DCDC1: variants seen among roughly 807,000 people sequenced by gnomAD.
DCDC1 encodes the protein doublecortin domain-containing protein 1.
Under a neutral mutation model 178.3 loss-of-function variants are expected in DCDC1, and 200 were observed. The ratio of observed to expected loss-of-function variants is 1.12; its 90% CI spans 1.00 to 1.26. DCDC1 has a LOEUF of 1.26. Among genes scored for constraint, DCDC1 ranks in the 50% most tolerant of loss-of-function variants. DCDC1 has a pLI of 0.00. For missense variants in DCDC1, 1,983 were observed against 1,749.2 expected (o/e 1.13, Z -2.38); for synonymous variants, 690 against 604.8 (o/e 1.14, Z -2.07).
intron 22 of DCDC1, among the ~76,000 whole-genome samples, chr11:30,931,503 G>T (rs954415644): frequency 2.0e-5 from 3 of 151,994 alleles, no homozygotes; most frequent in African/African-American, 7.2e-5. Flanking sequence ...AATATACACT[G>T]ATCACAGAAT....
chr11:31,180,172 T>C (rs1013886000), intron 9 of DCDC1, among the ~76,000 whole-genome samples: 1 of 152,164 alleles, frequency 6.6e-6, no homozygotes, highest in Non-Finnish European at 1.5e-5. Context: ...AGCTAGCCAA[T>C]GGGTATAAAG....
chr11:31,282,201 G>A (rs1946493752), intron 7 of DCDC1, among the ~76,000 whole-genome samples: 2 of 151,806 alleles, frequency 1.3e-5, no homozygotes, highest in African/African-American at 2.4e-5. Flanking sequence ...ATTTGGTCTT[G>A]GAATTTTGTT....
chr11:30,926,886 CAGG>C (rs1298324840), intron 22 of DCDC1, among the ~76,000 whole-genome samples: 1 of 151,970 alleles, frequency 6.6e-6, no homozygotes, highest in Non-Finnish European at 1.5e-5. Context: ...CACTTGAGGC[CAGG>C]AGTTCAAGAT....
intron 11 of DCDC1, among the ~76,000 whole-genome samples, chr11:31,117,810 C>T (rs753250699): frequency 6.6e-6 from 1 of 151,924 alleles, no homozygotes; most frequent in African/African-American, 2.4e-5. Flanking sequence ...AATTTGCTTG[C>T]GTGTCATGTC....
chr11:31,137,241 C>A (rs1402398558), intron 10 of DCDC1, among the ~76,000 whole-genome samples: 1 of 151,730 alleles, frequency 6.6e-6, no homozygotes, highest in Non-Finnish European at 1.5e-5. Flanking sequence ...TAAAATGATA[C>A]CCGGTTGTGA....
At chr11:30,895,425 G>T (rs759195010) in intron 34 of DCDC1, among the ~76,000 whole-genome samples, 1 of 152,044 alleles carries the variant, frequency 6.6e-6, no homozygotes, top group East Asian at 1.9e-4. Context: ...GTAACACTTA[G>T]GTTCATAAAA....
intron 36 of DCDC1, among the ~76,000 whole-genome samples, chr11:30,888,360 A>C (rs905957404): frequency 6.6e-6 from 1 of 152,232 alleles, no homozygotes; most frequent in Non-Finnish European, 1.5e-5. Flanking sequence ...TGAGTTAAAA[A>C]GAAAAAAATA....
intron 27 of DCDC1, among the ~76,000 whole-genome samples, chr11:30,912,226 T>G (rs774741220): frequency 6.6e-6 from 1 of 151,726 alleles, no homozygotes; most frequent in African/African-American, 2.4e-5. Context: ...CTTTCCAACC[T>G]CCAGAACTGT....
chr11:31,062,429 G>C (rs1160741758), intron 20 of DCDC1, among the ~76,000 whole-genome samples: 1 of 152,152 alleles, frequency 6.6e-6, no homozygotes, highest in Non-Finnish European at 1.5e-5. Flanking sequence ...GAATAGTGGA[G>C]AGGGGCTTGA....
intron 1 of DCDC1, among the ~76,000 whole-genome samples, chr11:31,353,342 T>C (rs1052378443): frequency 6.6e-6 from 1 of 152,248 alleles, no homozygotes; most frequent in African/African-American, 2.4e-5. Context: ...ATAGGACATT[T>C]CTTTGGAATC....
At chr11:31,250,515 C>T (rs1477248970) in intron 8 of DCDC1, among the ~76,000 whole-genome samples, 2 of 148,130 alleles carry the variant, frequency 1.4e-5, no homozygotes, top group African/African-American at 5.0e-5. Context: ...CCCTAAAACA[C>T]CCTAAACCCC....
chr11:30,870,462 C>A (rs985686530), intron 38 of DCDC1, among the ~76,000 whole-genome samples: 1 of 152,090 alleles, frequency 6.6e-6, no homozygotes, highest in Non-Finnish European at 1.5e-5. Flanking sequence ...GCAAGTCTGG[C>A]CTTTGAGAGT....
intron 20 of DCDC1, among the ~76,000 whole-genome samples, chr11:31,034,760 G>A (rs12287362): frequency 0.015 from 2,286 of 152,288 alleles, 47 homozygotes; most frequent in African/African-American, 0.052. Flanking sequence ...AATATATGGG[G>A]TCATTTAGGG....
intron 10 of DCDC1, among the ~76,000 whole-genome samples, chr11:31,128,011 C>G (rs1961890825): frequency 6.6e-6 from 1 of 152,084 alleles, no homozygotes; most frequent in Admixed American, 6.5e-5. Context: ...AACCTACCAC[C>G]AAATATTTCA....
intron 1 of DCDC1, among the ~76,000 whole-genome samples, chr11:31,364,769 A>G (rs941653585): frequency 1.3e-5 from 2 of 152,148 alleles, no homozygotes; most frequent in African/African-American, 4.8e-5. Flanking sequence ...AACCATTTCT[A>G]AAAGATGAGC....
At chr11:31,180,000 C>T (rs1313793512) in intron 9 of DCDC1, among the ~76,000 whole-genome samples, 1 of 152,136 alleles carries the variant, frequency 6.6e-6, no homozygotes, top group African/African-American at 2.4e-5. Context: ...AATCAATAAA[C>T]ATGACAACAA....
intron 20 of DCDC1, among the ~76,000 whole-genome samples, chr11:31,055,885 C>T (rs1955554812): frequency 6.6e-6 from 1 of 152,084 alleles, no homozygotes; most frequent in Admixed American, 6.6e-5. Context: ...CAAAATACTA[C>T]AAATATGGTG....
At position 30,899,594 on chromosome 11, in the gene DCDC1, T is replaced by A. The variant is rs372289576; in HGVS notation, c.4712A>T (p.Asp1571Val). 1 of 1,583,028 alleles carries A rather than the reference T, an allele frequency of 6.3e-7. No individual in the cohort carries two copies. Among genetic ancestry groups the A allele is most frequent in the Non-Finnish European group, 8.6e-7 (1 of 1,163,800 alleles). Residue 1571 changes from aspartate (D) to valine (V), a missense_variant, in exon 34 of 39, where the codon GAC becomes GTC. Coordinates refer to ENST00000684477, the MANE Select transcript of DCDC1 (RefSeq NM_001387274.1). ...KLEKQNWLKK[D>V]RILADLDTMR... is the part of the protein sequence containing the mutation. Reference sequence around the variant, plus strand: ...GGTATCTAGATCAGCCAAAATTCTGTCCTTTTTTAGCCAGTTCTGTTTCTC... The same window carrying A: ...GGTATCTAGATCAGCCAAAATTCTGACCTTTTTTAGCCAGTTCTGTTTCTC...
At chr11:30,870,525 C>T (rs1266106153) in intron 38 of DCDC1, among the ~76,000 whole-genome samples, 1 of 152,134 alleles carries the variant, frequency 6.6e-6, no homozygotes, top group Non-Finnish European at 1.5e-5. Flanking sequence ...GGGATTTATC[C>T]TATCAAAATG....
Sources: gnomAD v4.1 joint callset for allele counts (sites outside exome capture counted in the v4.1 genomes callset) on GRCh38, gnomAD v4.1.1 for gene constraint, MANE v1.5 for transcripts, NCBI Gene and HGNC (gene_info 2026-07-23, HGNC 2026-07-21) for gene names.